FRMD6: variants seen among roughly 807,000 people sequenced by gnomAD.
FRMD6 encodes the protein FERM domain containing 6.
In FRMD6, 37 loss-of-function variants were observed where a neutral mutation model predicts 73.2. The observed-to-expected ratio is 0.51, with a 90% CI of 0.39 to 0.66. The LOEUF (loss-of-function observed/expected upper bound fraction) is 0.66. Ranked by LOEUF, FRMD6 falls within the 30% of genes least tolerant of loss-of-function variation. The probability of loss-of-function intolerance (pLI) is 0.00; values close to 1 mark genes in which losing one functional copy is unlikely to be tolerated. For synonymous variants in FRMD6, 273 were observed against 282.2 expected, an observed-to-expected ratio of 0.97 and a Z score of 0.33; for missense variants, 714 against 780.5, an observed-to-expected ratio of 0.91 and a Z score of 1.02.
rs565566371 is a variant in FRMD6 at position 51,695,841 on chromosome 14, C to T, written c.100-2301C>T. Among the ~76,000 whole-genome samples, 3 of 152,130 alleles carry T rather than the reference C, an allele frequency of 2.0e-5. No individual in the cohort carries two copies. In the East Asian group the frequency reaches 5.8e-4, roughly 29 times the overall value. ...ATTTAATAATGAATGTGGAAAAGAG[C>T]AGTAAACCCATTCTTCTTACTACAG... On this transcript the variant is annotated intron_variant, in intron 2 of 13. Transcript: ENST00000344768.
intron 1 of FRMD6, among the ~76,000 whole-genome samples, chr14:51,536,162 A>C (rs77928861): frequency 0.076 from 11,397 of 149,776 alleles, 581 homozygotes; most frequent in Admixed American, 0.17. Context: ...TAGTGTAATC[A>C]TGAATCACTG....
intron 2 of FRMD6, among the ~76,000 whole-genome samples, chr14:51,645,197 T>C (rs975194779): frequency 6.6e-6 from 1 of 152,254 alleles, no homozygotes; most frequent in African/African-American, 2.4e-5. Flanking sequence ...TCAAAATGAA[T>C]GCAGATTTTG....
At chr14:51,428,924 G>GAA in the FRMD6 span, among the ~76,000 whole-genome samples, 1 of 143,744 alleles carries the variant, frequency 7.0e-6, no homozygotes, top group Non-Finnish European at 1.5e-5. Context: ...GAGAGAGAGA[G>GAA]GGGGAGAGAG....
At chr14:51,641,672 A>ATTT (rs765289243) in intron 2 of FRMD6, among the ~76,000 whole-genome samples, 1 of 152,124 alleles carries the variant, frequency 6.6e-6, no homozygotes, top group Non-Finnish European at 1.5e-5. Flanking sequence ...CATCCCCCAG[A>ATTT]TACTAACTGC....
chr14:51,426,189 A>G, the FRMD6 span, among the ~76,000 whole-genome samples: 1 of 152,044 alleles, frequency 6.6e-6, no homozygotes, highest in African/African-American at 2.4e-5. Flanking sequence ...AGTGTTTGTC[A>G]TAATCGTTAG....
intron 2 of FRMD6, among the ~76,000 whole-genome samples, chr14:51,589,262 T>C (rs980756444): frequency 1.3e-5 from 2 of 152,134 alleles, no homozygotes; most frequent in African/African-American, 2.4e-5. Context: ...CTAGAGAGTA[T>C]TTATCACTCC....
rs911314790 is a variant in FRMD6, at chr14:51,569,996, T to C, written c.-209-352T>C. Reference sequence around the variant, plus strand: ...ACACTCGGCTAATTTTATGTATTTTTAGTAGAGACGGGGTTTCACCATGTT... The same window carrying C: ...ACACTCGGCTAATTTTATGTATTTTCAGTAGAGACGGGGTTTCACCATGTT... On this transcript the variant is annotated intron_variant, in intron 1 of 14. Coordinates refer to the FRMD6 transcript ENST00000356218. 2.6e-5 allele frequency among the ~76,000 whole-genome samples: 4 copies of C among 152,128 alleles called. No individual in the cohort carries two copies. The South Asian group carries it at 8.3e-4, about 32-fold the overall frequency.
At chr14:51,423,250 C>T in the FRMD6 span, among the ~76,000 whole-genome samples, 8 of 152,228 alleles carry the variant, frequency 5.3e-5, no homozygotes, top group Non-Finnish European at 4.4e-5. Flanking sequence ...TTCCCCACAT[C>T]TCACAAGTCT....
At chr14:51,704,678 T>G in intron 5 of FRMD6, 71 bp from the exon 6 acceptor site, 5 of 1,246,816 alleles carry the variant, frequency 4.0e-6, no homozygotes, top group Non-Finnish European at 5.6e-6. Context: ...GAGAGAAGGA[T>G]TTGGGTTCTG....
At chr14:51,648,778 C>A (rs1892193888), upstream of FRMD6, among the ~76,000 whole-genome samples, 1 of 152,178 alleles carries the variant, frequency 6.6e-6, no homozygotes, top group Non-Finnish European at 1.5e-5. Flanking sequence ...TAACCCTTTG[C>A]CTGGTGCATG....
intron 2 of FRMD6, among the ~76,000 whole-genome samples, chr14:51,583,107 A>G (rs1888825639): frequency 9.2e-5 from 14 of 152,206 alleles, no homozygotes; most frequent in Admixed American, 9.2e-4. Context: ...AGAAATTCTC[A>G]TTCCCAACTC....
At chr14:51,496,562 A>T (rs1194302724) in intron 1 of FRMD6, among the ~76,000 whole-genome samples, 1 of 152,248 alleles carries the variant, frequency 6.6e-6, no homozygotes, top group Admixed American at 6.5e-5. Flanking sequence ...CCAAGAGGAT[A>T]ACAGTAAAAG....
At chr14:51,440,100 A>G in the FRMD6 span, among the ~76,000 whole-genome samples, 2 of 152,188 alleles carry the variant, frequency 1.3e-5, no homozygotes, top group Admixed American at 6.5e-5. Context: ...AAAAGATAAG[A>G]AAGCGCAGCG....
At position 51,701,041 on chromosome 14, in the gene FRMD6, T is replaced by G. The variant is rs1896278100; in HGVS notation, c.191-15T>G. Reference sequence around the variant, plus strand: ...CCTTTCTTTAGCATGTCGTCTCCTTTTTTTTAATGTACAGATAATGAACAT... The same window carrying G: ...CCTTTCTTTAGCATGTCGTCTCCTTGTTTTTAATGTACAGATAATGAACAT... On this transcript the variant is annotated splice_polypyrimidine_tract_variant and intron_variant, in intron 3 of 13. Transcript: ENST00000344768. 1 of 1,312,704 alleles carries G rather than the reference T, an allele frequency of 7.6e-7. No homozygotes were observed. The highest frequency in any genetic ancestry group is 1.5e-5 in the African/African-American group (1 of 65,542). 81.3% of individuals were successfully genotyped at this position (1,312,704 alleles called of 1,614,324 possible).
At chr14:51,674,797 G>A (rs1894268963) in intron 1 of FRMD6, among the ~76,000 whole-genome samples, 1 of 152,044 alleles carries the variant, frequency 6.6e-6, no homozygotes, top group Non-Finnish European at 1.5e-5. Context: ...TTGGTAATAT[G>A]GAGGGGGACG....
intron 2 of FRMD6, among the ~76,000 whole-genome samples, chr14:51,573,071 G>C (rs532553933): frequency 1.3e-5 from 2 of 152,302 alleles, no homozygotes; most frequent in African/African-American, 2.4e-5. Context: ...TGGTTCTTCA[G>C]ACACAGCTGA....
chr14:51,706,367 T>C (rs1896623444), intron 6 of FRMD6, among the ~76,000 whole-genome samples: 1 of 151,904 alleles, frequency 6.6e-6, no homozygotes, highest in Non-Finnish European at 1.5e-5. Flanking sequence ...AGCTTGCAGA[T>C]GAGATGATTT....
At chr14:51,671,369 G>A (rs1375963688) in intron 1 of FRMD6, among the ~76,000 whole-genome samples, 1 of 152,086 alleles carries the variant, frequency 6.6e-6, no homozygotes, top group Non-Finnish European at 1.5e-5. Flanking sequence ...TCTGAGCCTA[G>A]AATTTTCTTT....
intron 1 of FRMD6, among the ~76,000 whole-genome samples, chr14:51,512,212 A>G (rs1884350852): frequency 6.6e-6 from 1 of 152,178 alleles, no homozygotes; most frequent in Non-Finnish European, 1.5e-5. Flanking sequence ...GATAATAGTT[A>G]TGCATATGAA....
Sources: allele counts gnomAD v4.1 joint callset (sites outside exome capture counted in the v4.1 genomes callset), GRCh38; gene constraint gnomAD v4.1.1; transcripts MANE v1.5; gene names NCBI Gene and HGNC (gene_info 2026-07-23, HGNC 2026-07-21).